Variants in SRSF4 observed in about 807,000 individuals in gnomAD.
SRSF4 encodes the protein serine and arginine rich splicing factor 4.
A neutral mutation model predicts 48.8 loss-of-function variants in SRSF4; 12 were observed. The ratio of observed to expected loss-of-function variants is 0.25; its 90% confidence interval spans 0.16 to 0.40. The LOEUF is 0.40. Among genes scored for constraint, SRSF4 ranks in the 10% least tolerant of loss-of-function variants. The pLI is 1.00. For missense variants in SRSF4, 466 were observed against 667.1 expected (o/e 0.70, Z 3.32); for synonymous variants, 248 against 232.5 (o/e 1.07, Z -0.61).
chr1:29,161,916 CTA>C (rs1491279869), intron 1 of SRSF4, among the ~76,000 whole-genome samples: 1 of 152,190 alleles, frequency 6.6e-6, no homozygotes, highest in African/African-American at 2.4e-5. Flanking sequence ...GAATGTGATG[CTA>C]TACTCAGTAA....
intron 3 of SRSF4, among the ~76,000 whole-genome samples, chr1:29,156,274 A>G (rs1246512037): frequency 2.0e-5 from 3 of 151,514 alleles, no homozygotes; most frequent in Non-Finnish European, 4.4e-5. Context: ...AAATCGCTTG[A>G]ACCCAGGAGG....
At chr1:29,175,133 T>C (rs1672819075) in intron 1 of SRSF4, among the ~76,000 whole-genome samples, 1 of 151,682 alleles carries the variant, frequency 6.6e-6, no homozygotes, top group Non-Finnish European at 1.5e-5. Context: ...ATAAAAAAAT[T>C]ATAATAGGCC....
chr1:29,181,645 C>G lies in SRSF4; in HGVS notation c.107+1G>C, dbSNP rs1223722176. ...GCCGGACCCTCTTTCGCCCTCCTCA[C>G]CCGTTCTTCAGATCCACCTCCAGGA... On this transcript the variant is annotated splice_donor_variant, in intron 1 of 5. Coordinates refer to ENST00000373795, the MANE Select transcript of SRSF4 (RefSeq NM_005626.5). LOFTEE classifies it high-confidence loss of function. The G allele has an allele frequency of 6.3e-7, 1 of 1,587,608 alleles. No homozygotes were observed. The highest frequency in any genetic ancestry group is 8.6e-7 in the Non-Finnish European group (1 of 1,168,596).
At chr1:29,149,688 G>GAAA (rs35111206) in intron 5 of SRSF4, among the ~76,000 whole-genome samples, 1 of 100,894 alleles carries the variant, frequency 9.9e-6, no homozygotes, top group Non-Finnish European at 2.2e-5. Context: ...CTTGAGGGGG[G>GAAA]AAAAAAAAAA....
rs2151815654 is a variant in SRSF4 at position 29,159,428 on chromosome 1, C to T, written c.309G>A (p.Glu103=). The T allele has an allele frequency of 6.2e-7, 1 of 1,614,054 alleles. No individual in the cohort carries two copies. Among genetic ancestry groups the T allele is most frequent in the Non-Finnish European group, 8.5e-7 (1 of 1,179,996 alleles). ...ACAAATTCTCCACAATAAGTCTGTA[C>T]TCTGTGCGAGTAGGAGGGCCATATT... ...RDKYGPPTRT[E]YRLIVENLSS... Residue 103 remains glutamate, a synonymous_variant, in exon 3 of 6, where the codon GAG becomes GAA. Transcript: ENST00000373795.
chr1:29,175,694 C>CAA (rs60942124), intron 1 of SRSF4, among the ~76,000 whole-genome samples: 13,760 of 38,426 alleles, frequency 0.36, 4,431 homozygotes, highest in Non-Finnish European at 0.42. Flanking sequence ...GACGCTGTCT[C>CAA]AAAAAAAAAA....
At chr1:29,161,186 T>C (rs1303776239) in intron 1 of SRSF4, among the ~76,000 whole-genome samples, 1 of 152,186 alleles carries the variant, frequency 6.6e-6, no homozygotes, top group African/African-American at 2.4e-5. Flanking sequence ...GCCAAGAGGT[T>C]TGGTGGCTTA....
At chr1:29,161,470 C>T (rs1303378011) in intron 1 of SRSF4, among the ~76,000 whole-genome samples, 1 of 152,220 alleles carries the variant, frequency 6.6e-6, no homozygotes, top group Non-Finnish European at 1.5e-5. Flanking sequence ...TCTAGTAAGG[C>T]TGTGTGTACA....
At chr1:29,175,974 C>T (rs979815995) in intron 1 of SRSF4, among the ~76,000 whole-genome samples, 14 of 151,932 alleles carry the variant, frequency 9.2e-5, no homozygotes, top group South Asian at 2.1e-4. Flanking sequence ...AAAAGGTGGC[C>T]GGGCATGGTG....
intron 1 of SRSF4, chr1:29,170,252 A>C (rs1672728057): frequency 6.6e-6 from 1 of 152,018 alleles, no homozygotes; most frequent in South Asian, 2.1e-4. Flanking sequence ...AAACGATTTG[A>C]AAAAACTCGA....
chr1:29,152,373 A>G (rs1574189586), intron 4 of SRSF4, among the ~76,000 whole-genome samples: 1 of 152,296 alleles, frequency 6.6e-6, no homozygotes, highest in East Asian at 1.9e-4. Context: ...GAGTTCTCCA[A>G]TGCTTCATAT....
chr1:29,150,899 T>TTA (rs1672399169), intron 4 of SRSF4, among the ~76,000 whole-genome samples: 1 of 152,196 alleles, frequency 6.6e-6, no homozygotes, highest in Admixed American at 6.5e-5. Context: ...CAAGCCACCA[T>TTA]TATCTCTCCC....
At chr1:29,159,257 C>T in intron 3 of SRSF4, 117 bp downstream of exon 3, 1 of 621,124 alleles carries the variant, frequency 1.6e-6, no homozygotes, top group South Asian at 2.1e-5. Flanking sequence ...CAGCTCTGTG[C>T]AGGCTTTCAA....
rs114829785 is a variant in SRSF4, at chr1:29,159,270, A to C, written c.363+104T>G. 0.018 allele frequency: 12,859 copies of C among 702,300 alleles called. 178 individuals carry two copies. The highest frequency in any genetic ancestry group is 0.022 in the Non-Finnish European group (8,715 of 403,890). The allele number at this position is 702,300 out of a possible 1,614,324, so 43.5% of individuals were successfully genotyped here. ...TCCAGCTCTGTGCAGGCTTTCAAAC[A>C]TATAACACTGTATTTTGTGTATGCC... On this transcript the variant is annotated intron_variant, in intron 3 of 5. Coordinates refer to ENST00000373795, the MANE Select transcript of SRSF4 (RefSeq NM_005626.5).
chr1:29,148,464 C>A lies in SRSF4; in HGVS notation c.1431G>T (p.Arg477Ser), dbSNP rs746654624. The change falls in exon 6 of 6, where the codon AGG becomes AGT. Residue 477 changes from arginine (R) to serine (S), a missense_variant. Physicochemically the swap from Arg to Ser is moderately radical, Grantham distance 110 (BLOSUM62 -1). Around this residue, in one of 2 missense-constraint regions of SRSF4, gnomAD observed 402 missense variants for 437.0 expected, o/e 0.92. Transcript: ENST00000373795. ...ATCGGGAGGGCGATCTGGAAGCAGACCTGGATCTAGACTTGGACCGAGATC... is the reference window on the plus strand; with the variant it reads ...ATCGGGAGGGCGATCTGGAAGCAGAACTGGATCTAGACTTGGACCGAGATC... Reference protein sequence around the residue: ...KTRSRSKSRSRSASRSPSRSR... With the variant: ...KTRSRSKSRSSSASRSPSRSR... 9 of 1,613,000 alleles carry A rather than the reference C, an allele frequency of 5.6e-6. No individual in the cohort carries two copies. The East Asian group carries it at 1.8e-4, about 32-fold the overall frequency.
rs1230304486 is a variant in SRSF4, at chr1:29,176,153, G to A, written c.107+5493C>T. Among the ~76,000 whole-genome samples the A allele has an allele frequency of 3.9e-5, 6 of 152,168 alleles. No homozygotes were observed. In the East Asian group the frequency reaches 1.2e-3, roughly 29 times the overall value. On this transcript the variant is annotated intron_variant, in intron 1 of 5. Transcript: ENST00000373795. Reference sequence around the variant, plus strand: ...TGTAGTCCCAGCTACTTGGGAGGCTGAGGCAGGAGAATTGCTTGAACCCAA... The same window carrying A: ...TGTAGTCCCAGCTACTTGGGAGGCTAAGGCAGGAGAATTGCTTGAACCCAA...
intron 1 of SRSF4, among the ~76,000 whole-genome samples, chr1:29,175,783 T>C (rs1672839186): frequency 6.7e-6 from 1 of 149,170 alleles, no homozygotes; most frequent in African/African-American, 2.5e-5. Context: ...ATTTTAACTA[T>C]ACATAAAGAG....
At chr1:29,156,218 G>A (rs144241710) in intron 3 of SRSF4, among the ~76,000 whole-genome samples, 7 of 151,988 alleles carry the variant, frequency 4.6e-5, no homozygotes, top group Non-Finnish European at 8.8e-5. Flanking sequence ...ACCAGACGTG[G>A]TGGCAGGCGC....
At chr1:29,181,534 C>T (rs2151831173) in intron 1 of SRSF4, 112 bp downstream of exon 1, 2 of 948,410 alleles carry the variant, frequency 2.1e-6, no homozygotes, top group Non-Finnish European at 3.0e-6. Flanking sequence ...GGAGCCTGGC[C>T]AGGCCGGTAG....
Sources: gnomAD v4.1 joint callset for allele counts (sites outside exome capture counted in the v4.1 genomes callset) on GRCh38, gnomAD v4.1.1 for gene constraint, gnomAD v4.1.1 regional missense constraint, MANE v1.5 for transcripts, NCBI Gene and HGNC (gene_info 2026-07-23, HGNC 2026-07-21) for gene names.